SYT2: variants seen among roughly 807,000 people sequenced by gnomAD.
SYT2 encodes the protein synaptotagmin 2, also known as synaptotagmin-2.
Under a neutral mutation model 39.9 loss-of-function variants are expected in SYT2, and 15 were observed. The observed-to-expected ratio is 0.38, with a 90% CI of 0.25 to 0.58. The LOEUF (loss-of-function observed/expected upper bound fraction) is 0.58. SYT2 is among the 20% of genes least tolerant of loss of function. The pLI is 0.70. For synonymous variants in SYT2, 181 were observed against 204.5 expected, an observed-to-expected ratio of 0.89 and a Z score of 0.98; for missense variants, 389 against 530.3, an observed-to-expected ratio of 0.73 and a Z score of 2.62.
At chr1:202,649,234 C>T (rs1692145883) in intron 1 of SYT2, among the ~76,000 whole-genome samples, 1 of 152,214 alleles carries the variant, frequency 6.6e-6, no homozygotes, top group Admixed American at 6.5e-5. Flanking sequence ...GCAGCCCAGA[C>T]AGTATGAGCA....
intron 1 of SYT2, among the ~76,000 whole-genome samples, chr1:202,682,328 T>C (rs897430733): frequency 1.3e-5 from 2 of 151,974 alleles, no homozygotes; most frequent in African/African-American, 4.8e-5. Flanking sequence ...GCCCCCACAG[T>C]GGGAAACACA....
intron 1 of SYT2, among the ~76,000 whole-genome samples, chr1:202,682,540 G>C (rs928750445): frequency 6.6e-6 from 1 of 152,118 alleles, no homozygotes; most frequent in African/African-American, 2.4e-5. Context: ...CCTTAAAGGG[G>C]GTGGCTTGAA....
At chr1:202,633,075 C>T (rs1013769816) in intron 1 of SYT2, among the ~76,000 whole-genome samples, 12 of 152,170 alleles carry the variant, frequency 7.9e-5, no homozygotes, top group South Asian at 4.1e-4. Flanking sequence ...GATGCAGACG[C>T]GCCTCGCTTG....
intron 1 of SYT2, among the ~76,000 whole-genome samples, chr1:202,691,717 GAGA>G (rs373063243): frequency 1.1e-3 from 46 of 43,432 alleles, no homozygotes; most frequent in Non-Finnish European, 1.9e-3. Flanking sequence ...GAGGGAGAGG[GAGA>G]GGGAGAGGGG....
At chr1:202,598,672 C>T (rs1690386400) in intron 8 of SYT2, among the ~76,000 whole-genome samples, 1 of 152,190 alleles carries the variant, frequency 6.6e-6, no homozygotes, top group African/African-American at 2.4e-5. Context: ...ACGTCCAGAT[C>T]CCACTCATAC....
rs1690528005 is a variant in SYT2, at chr1:202,602,161, G to C, written c.634-104C>G. On this transcript the variant is annotated intron_variant, in intron 5 of 8. Coordinates refer to ENST00000367268, the MANE Select transcript of SYT2 (RefSeq NM_177402.5). Reference sequence around the variant, plus strand: ...TCCAGCCCACAGGGTCCAGGTTAGTGTGCCGAGACAGACAAAGACCAAGGC... The same window carrying C: ...TCCAGCCCACAGGGTCCAGGTTAGTCTGCCGAGACAGACAAAGACCAAGGC... The C allele has an allele frequency of 1.3e-5, 19 of 1,415,538 alleles. No individual in the cohort carries two copies. The South Asian group carries it at 2.2e-4, about 17-fold the overall frequency. The allele number at this position is 1,415,538 out of a possible 1,614,324, so 87.7% of individuals were successfully genotyped here.
At chr1:202,709,388 G>T (rs1278271383) in intron 1 of SYT2, among the ~76,000 whole-genome samples, 1 of 152,232 alleles carries the variant, frequency 6.6e-6, no homozygotes, top group Non-Finnish European at 1.5e-5. Context: ...GGATGAGGGG[G>T]CCTGGCTTAG....
intron 1 of SYT2, among the ~76,000 whole-genome samples, chr1:202,664,493 G>A (rs1288362485): frequency 1.3e-5 from 2 of 152,050 alleles, no homozygotes; most frequent in Non-Finnish European, 2.9e-5. Context: ...TATACAGCAC[G>A]TTTCCATCAC....
At chr1:202,664,428 T>C (rs1692445873) in intron 1 of SYT2, among the ~76,000 whole-genome samples, 2 of 152,194 alleles carry the variant, frequency 1.3e-5, no homozygotes, top group South Asian at 2.1e-4. Flanking sequence ...ATTTTAAGTA[T>C]GCAGTTTGAT....
chr1:202,692,060 C>T (rs1173977372), intron 1 of SYT2, among the ~76,000 whole-genome samples: 1 of 152,124 alleles, frequency 6.6e-6, no homozygotes, highest in African/African-American at 2.4e-5. Context: ...ACCACTCTAT[C>T]CAGCCATGCT....
chr1:202,637,801 C>T (rs999194592), intron 1 of SYT2, among the ~76,000 whole-genome samples: 12 of 152,256 alleles, frequency 7.9e-5, no homozygotes, highest in African/African-American at 2.7e-4. Flanking sequence ...GCTACTCTGG[C>T]TTTCTGGTCT....
chr1:202,681,130 C>A (rs372812356), intron 1 of SYT2, among the ~76,000 whole-genome samples: 59 of 151,428 alleles, frequency 3.9e-4, no homozygotes, highest in African/African-American at 1.4e-3. Flanking sequence ...TCACCTAGAT[C>A]AAGCCACACC....
intron 1 of SYT2, among the ~76,000 whole-genome samples, chr1:202,648,515 AATAC>A (rs2149101053): frequency 6.6e-6 from 1 of 152,332 alleles, no homozygotes; most frequent in Admixed American, 6.5e-5. Flanking sequence ...ACTAATAAAA[AATAC>A]ATACTGGTTA....
At chr1:202,604,377 G>T in intron 3 of SYT2, 78 bp downstream of exon 3, 1 of 1,465,230 alleles carries the variant, frequency 6.8e-7, no homozygotes, top group South Asian at 1.2e-5. Context: ...AAGCCCAGGA[G>T]CCTTTGCTTC....
intron 1 of SYT2, among the ~76,000 whole-genome samples, chr1:202,702,152 CT>C (rs1654137935): frequency 6.6e-6 from 1 of 152,184 alleles, no homozygotes; most frequent in South Asian, 2.1e-4. Flanking sequence ...CAGGGCACCC[CT>C]GCCACCCTCT....
chr1:202,655,518 G>A (rs1013772190), intron 1 of SYT2, among the ~76,000 whole-genome samples: 6 of 152,156 alleles, frequency 3.9e-5, no homozygotes, highest in African/African-American at 7.2e-5. Context: ...GAACACCACC[G>A]TTTACGCACT....
intron 1 of SYT2, among the ~76,000 whole-genome samples, chr1:202,643,910 C>A (rs879494633): frequency 2.2e-4 from 34 of 152,134 alleles, no homozygotes; most frequent in East Asian, 9.7e-4. Flanking sequence ...CCTCTCGGTT[C>A]GGGGGATTAG....
intron 1 of SYT2, among the ~76,000 whole-genome samples, chr1:202,645,313 C>G (rs1692058204): frequency 6.6e-6 from 1 of 152,220 alleles, no homozygotes; most frequent in Non-Finnish European, 1.5e-5. Context: ...AGAGCAGTAC[C>G]TGCTGCTCCT....
At chr1:202,685,586 C>T (rs970862312) in intron 1 of SYT2, among the ~76,000 whole-genome samples, 2 of 152,170 alleles carry the variant, frequency 1.3e-5, no homozygotes, top group Non-Finnish European at 2.9e-5. Flanking sequence ...CACCCCACCT[C>T]ACCACATGAA....
Sources: gnomAD v4.1 joint callset for allele counts (sites outside exome capture counted in the v4.1 genomes callset) on GRCh38, gnomAD v4.1.1 for gene constraint, MANE v1.5 for transcripts, NCBI Gene and HGNC (gene_info 2026-07-23, HGNC 2026-07-21) for gene names.